The following TMPRSS6 variants were observed in gnomAD, a reference collection of about 807,000 sequenced individuals.
TMPRSS6 encodes transmembrane serine protease 6.
TMPRSS6 carries 67 observed loss-of-function variants against 101.5 expected under a neutral mutation model. That is an observed-to-expected ratio of 0.66 (90% confidence interval 0.54 to 0.81). TMPRSS6 has a LOEUF of 0.81. Ranked by LOEUF, TMPRSS6 falls within the 30% of genes least tolerant of loss-of-function variation. The probability of loss-of-function intolerance (pLI) is 0.00; values close to 1 mark genes in which losing one functional copy is unlikely to be tolerated. For synonymous variants in TMPRSS6, 453 were observed against 464.9 expected, an observed-to-expected ratio of 0.97 and a Z score of 0.33; for missense variants, 1,034 against 1,088.7, an observed-to-expected ratio of 0.95 and a Z score of 0.71.
At chr22:37,108,033 C>A (rs1481413406) in intron 1 of TMPRSS6, among the ~76,000 whole-genome samples, 1 of 152,210 alleles carries the variant, frequency 6.6e-6, no homozygotes, top group Non-Finnish European at 1.5e-5. Flanking sequence ...GTGCTGTGTG[C>A]ATATGTGGCC....
At chr22:37,066,292 C>A in intron 17 of TMPRSS6, 54 bp from the exon 18 acceptor site, 1 of 1,513,836 alleles carries the variant, frequency 6.6e-7, no homozygotes, top group East Asian at 2.4e-5. Context: ...CCCCCTTTTC[C>A]AGGTGAAGAG....
rs1402304096 is a variant in TMPRSS6 at position 37,069,627 on chromosome 22, C to A, written c.1842-283G>T. Among the ~76,000 whole-genome samples, 1 of 152,242 alleles carries A rather than the reference C, an allele frequency of 6.6e-6. No individual in the cohort carries two copies. The highest frequency in any genetic ancestry group is 1.5e-5 in the Non-Finnish European group (1 of 68,042). ...CATCTGCAAATGGGAATGGCATTTT[C>A]TACTCGAATGTTCTTGAGAGAATCC... On this transcript the variant is annotated intron_variant, in intron 15 of 17. Coordinates refer to ENST00000676104, the MANE Select transcript of TMPRSS6 (RefSeq NM_001374504.1). The surrounding 1 kb of genome is among the most constrained non-coding windows in gnomAD (Gnocchi z 4.8).
chr22:37,108,320 C>T (rs1333634775), intron 1 of TMPRSS6, among the ~76,000 whole-genome samples: 1 of 152,232 alleles, frequency 6.6e-6, no homozygotes, highest in Non-Finnish European at 1.5e-5. Flanking sequence ...GTTCAGACCT[C>T]ACCTCTTCGC....
rs754819966 is a variant in TMPRSS6 at position 37,066,969 on chromosome 22, G to A, written c.2114-7C>T. 2.4e-5 allele frequency: 39 copies of A among 1,613,988 alleles called. No homozygotes were observed. Among genetic ancestry groups the A allele is most frequent in the Admixed American group, 3.3e-5 (2 of 60,004 alleles). On this transcript the variant is annotated splice_polypyrimidine_tract_variant and splice_region_variant and intron_variant, in intron 16 of 17. Transcript: ENST00000676104. The stretch of plus-strand genomic sequence containing the variant: ...AGAGCGTTGCTGATGGGGCCTGTCC[G>A]TGGTCAAGGGCAGAAGTGAGATCTC...
At chr22:37,102,948 C>T (rs1436357238) in intron 2 of TMPRSS6, among the ~76,000 whole-genome samples, 1 of 152,052 alleles carries the variant, frequency 6.6e-6, no homozygotes, top group Non-Finnish European at 1.5e-5. Context: ...CTAGGAGGGC[C>T]CACTTTCCCC....
At chr22:37,078,981 G>GAAAGAAAGAAAGAAAGA (rs1928015689) in intron 10 of TMPRSS6, among the ~76,000 whole-genome samples, 1 of 140,454 alleles carries the variant, frequency 7.1e-6, no homozygotes, top group Non-Finnish European at 1.5e-5. Context: ...GAAAAAGAAA[G>GAAAGAAAGAAAGAAAGA]AAAGAAAGAA....
rs142400865 is a variant in TMPRSS6 at position 37,096,690 on chromosome 22, C to T, written c.362G>A (p.Arg121His). Residue 121 changes from arginine to histidine, a missense_variant, in exon 4 of 18, where the codon CGC (arginine) becomes CAC (histidine). By Grantham distance (29) the Arg-to-His change is conservative. Transcript: ENST00000676104. ...GCTGGAGTTGTAGTAAGTTCCCAGG[C>T]GGGTGCTGGTGATGAGCTCCTTGAG... Reference protein sequence around the residue: ...KMLKELITSTRLGTYYNSSSV... With the variant: ...KMLKELITSTHLGTYYNSSSV... 317 of 1,566,666 alleles carry T rather than the reference C, an allele frequency of 2.0e-4. 1 individual carries two copies. The African/African-American group carries it at 3.8e-3, about 19-fold the overall frequency.
intron 6 of TMPRSS6, among the ~76,000 whole-genome samples, chr22:37,094,029 A>G (rs2146143355): frequency 6.6e-6 from 1 of 151,934 alleles, no homozygotes; most frequent in African/African-American, 2.4e-5. Flanking sequence ...TTATATATAT[A>G]TATATGTCAT....
At chr22:37,091,606 G>T (rs1929269909) in intron 6 of TMPRSS6, among the ~76,000 whole-genome samples, 1 of 152,246 alleles carries the variant, frequency 6.6e-6, no homozygotes, top group Non-Finnish European at 1.5e-5. Context: ...CAGTGAGCCA[G>T]TCTCTGTCCC....
chr22:37,078,762 A>G (rs1927911121), intron 10 of TMPRSS6, among the ~76,000 whole-genome samples: 1 of 111,478 alleles, frequency 9.0e-6, no homozygotes, highest in Non-Finnish European at 1.8e-5. Flanking sequence ...AAGGAGAAAG[A>G]GAATGAGGAG....
At position 37,103,257 on chromosome 22, in the gene TMPRSS6, A is replaced by G. The variant is rs763824774; in HGVS notation, c.161T>C (p.Leu54Pro). The G allele has an allele frequency of 6.2e-7, 1 of 1,614,066 alleles. No homozygotes were observed. Among genetic ancestry groups the G allele is most frequent in the Non-Finnish European group, 8.5e-7 (1 of 1,179,946 alleles). The part of the protein sequence containing the change: ...LVPLFVLLAL[L>P]VLASAGVLLW... Reference sequence around the variant, plus strand: ...TAGCACCCCCGCCGAAGCCAGCACGAGCAGGGCCAGCAGCACAAACAGGGG... The same window carrying G: ...TAGCACCCCCGCCGAAGCCAGCACGGGCAGGGCCAGCAGCACAAACAGGGG... The change falls in exon 2 of 18, where the codon CTC becomes CCC. Residue 54 changes from leucine to proline, a missense_variant. Physicochemically the swap from Leu to Pro is moderately conservative, Grantham distance 98 (BLOSUM62 -3). Transcript: ENST00000676104. This position sits in a 1 kb window ranked among gnomAD's most constrained non-coding sequence, Gnocchi z 4.4.
In TMPRSS6 at chr22:37,078,981, G is replaced by A. The variant is rs1219779135; in HGVS notation, c.1197-3701C>T. Among the ~76,000 whole-genome samples, 3 of 140,552 alleles carry A rather than the reference G, an allele frequency of 2.1e-5. No homozygotes were observed. The East Asian group carries it at 5.9e-4, about 28-fold the overall frequency. The allele number at this position is 140,552 out of a possible 152,430, so 92.2% of individuals were successfully genotyped here. On this transcript the variant is annotated intron_variant, in intron 10 of 17. Coordinates refer to ENST00000676104, the MANE Select transcript of TMPRSS6 (RefSeq NM_001374504.1). ...AGAGAAAGAAAGAAAGAAAAAGAAAGAAAGAAAGAAAGAAAGAAAGAAAGA... is the reference window on the plus strand; with the variant it reads ...AGAGAAAGAAAGAAAGAAAAAGAAAAAAAGAAAGAAAGAAAGAAAGAAAGA...
chr22:37,095,668 A>G, intron 5 of TMPRSS6, 76 bp from the exon 6 acceptor site: 5 of 1,457,316 alleles, frequency 3.4e-6, no homozygotes, highest in Non-Finnish European at 4.6e-6. Flanking sequence ...AATGAAAATA[A>G]AATTAGAGGA....
intron 17 of TMPRSS6, 64 bp from the exon 18 acceptor site, chr22:37,066,302 G>T: frequency 6.8e-7 from 1 of 1,471,288 alleles, no homozygotes; most frequent in African/African-American, 1.4e-5. Flanking sequence ...CAGGTGAAGA[G>T]CCATAGGGAT....
chr22:37,066,169 A>G lies in TMPRSS6; in HGVS notation c.2320T>C (p.Trp774Arg). ...GRWFLAGLVS[W>R]GLGCGRPNYF... ...TTAGGCCGGCCACAGCCCAGGCCCC[A>G]GCTGACCAGCCCCGCCAGGAACCAG... The change falls in exon 18 of 18, where the codon TGG becomes CGG. Residue 774 changes from tryptophan (W) to arginine (R), a missense_variant. Transcript: ENST00000676104. 1 of 1,613,128 alleles carries G rather than the reference A, an allele frequency of 6.2e-7. No individual in the cohort carries two copies. Among genetic ancestry groups the G allele is most frequent in the Non-Finnish European group, 8.5e-7 (1 of 1,179,998 alleles).
intron 1 of TMPRSS6, among the ~76,000 whole-genome samples, chr22:37,106,433 TG>T (rs1258845427): frequency 3.3e-5 from 5 of 152,068 alleles, no homozygotes; most frequent in African/African-American, 1.2e-4. Context: ...ATGCAGATTT[TG>T]CCTCCCTCTA....
intron 5 of TMPRSS6, 152 bp from the exon 6 acceptor site, chr22:37,095,744 C>T: frequency 8.0e-7 from 1 of 1,250,076 alleles, no homozygotes; most frequent in African/African-American, 1.5e-5. Flanking sequence ...TCTTTCCTGG[C>T]TCCTTGAATG....
chr22:37,071,663 T>C (rs1926921860), intron 13 of TMPRSS6, among the ~76,000 whole-genome samples: 1 of 152,242 alleles, frequency 6.6e-6, no homozygotes, highest in Non-Finnish European at 1.5e-5. Context: ...CTCACTTCCT[T>C]ACTGCACCTT....
chr22:37,090,217 C>T (rs889529609), intron 6 of TMPRSS6, among the ~76,000 whole-genome samples: 1 of 152,202 alleles, frequency 6.6e-6, no homozygotes, highest in African/African-American at 2.4e-5. Context: ...AAAGTACACA[C>T]AGGGCACGTG....
Sources: allele counts gnomAD v4.1 joint callset (sites outside exome capture counted in the v4.1 genomes callset), GRCh38; gene constraint gnomAD v4.1.1; non-coding constraint Gnocchi (gnomAD v3.1); transcripts MANE v1.5; gene names NCBI Gene and HGNC (gene_info 2026-07-23, HGNC 2026-07-21).